Variants in LAMC3 observed in about 807,000 individuals in gnomAD.
LAMC3 encodes laminin subunit gamma 3, also known as laminin subunit gamma-3.
In LAMC3, 128 loss-of-function variants were observed where a neutral mutation model predicts 173.8. The ratio of observed to expected loss-of-function variants is 0.74; its 90% CI spans 0.64 to 0.85. LAMC3 has a LOEUF of 0.85. Among genes scored for constraint, LAMC3 ranks in the 40% least tolerant of loss-of-function variants. LAMC3 has a pLI of 0.00. For synonymous variants in LAMC3, 897 were observed against 909.1 expected, an observed-to-expected ratio of 0.99 and a Z score of 0.24; for missense variants, 2,022 against 2,156.0, an observed-to-expected ratio of 0.94 and a Z score of 1.23.
At chr9:131,032,327 G>A in intron 3 of LAMC3, 152 bp downstream of exon 3, 3 of 736,788 alleles carry the variant, frequency 4.1e-6, no homozygotes, top group Non-Finnish European at 7.1e-6. Context: ...AGGCCCTGGG[G>A]GTCCACACCC....
Position 131,066,973 on chromosome 9 carries a change from G to C in LAMC3, c.2361G>C (p.Glu787Asp), listed in dbSNP as rs202008283. 8.6e-5 allele frequency: 138 copies of C among 1,613,824 alleles called. 6 individuals carry two copies. Among genetic ancestry groups the C allele is most frequent in the Admixed American group, 1.0e-4 (6 of 60,012 alleles). ...CPPGQRGRRCEVCDDGFFGDP... is the reference protein window; with the variant it reads ...CPPGQRGRRCDVCDDGFFGDP... ...CTCTACACACAGGGCGGCGCTGTGA[G>C]GTCTGTGATGATGGCTTTTTTGGGG... The change falls in exon 14 of 28, where the codon GAG (glutamate) becomes GAC (aspartate). Residue 787 changes from glutamate (E) to aspartate (D), a missense_variant. By Grantham distance (45) the Glu-to-Asp change is conservative. Transcript: ENST00000361069.
intron 1 of LAMC3, among the ~76,000 whole-genome samples, chr9:131,019,871 C>T (rs2133215269): frequency 6.6e-6 from 1 of 151,734 alleles, no homozygotes; most frequent in East Asian, 1.9e-4. Context: ...CAGCTGGGCA[C>T]AGCAGAGCCT....
chr9:131,056,843 C>T lies in LAMC3; in HGVS notation c.1940-86C>T, dbSNP rs747659814. The T allele has an allele frequency of 5.4e-4, 539 of 996,048 alleles. 8 individuals carry two copies. The Admixed American group carries it at 9.0e-3, about 17-fold the overall frequency. 61.7% of individuals were successfully genotyped at this position (996,048 alleles called of 1,614,324 possible). On this transcript the variant is annotated intron_variant, in intron 11 of 27. Coordinates refer to ENST00000361069, the MANE Select transcript of LAMC3 (RefSeq NM_006059.4). ...CTGCCTTTATATACGTGGGCCTGGTCCATATGTGAACAGGAAGGTTTTGGG... is the reference window on the plus strand; with the variant it reads ...CTGCCTTTATATACGTGGGCCTGGTTCATATGTGAACAGGAAGGTTTTGGG...
In LAMC3 at chr9:131,092,998, G is replaced by A. The variant is rs1830450504; in HGVS notation, c.*1211G>A. On this transcript the variant is annotated 3_prime_UTR_variant, in exon 28 of 28. Transcript: ENST00000361069. The stretch of plus-strand genomic sequence containing the variant: ...CCCGTGGCTCCCCTGACAGGGGCAG[G>A]GGTAGGGCAGCAGCACAGACCAATT... 1 of 152,444 alleles carries A rather than the reference G, an allele frequency of 6.6e-6. No individual in the cohort carries two copies. Among genetic ancestry groups the A allele is most frequent in the Admixed American group, 6.5e-5 (1 of 15,292 alleles). 9.4% of individuals were successfully genotyped at this position (152,444 alleles called of 1,614,324 possible). A position where few individuals can be genotyped will look rare whatever the true frequency, so the allele number is the denominator to read the frequency against.
At chr9:131,077,502 C>T (rs1290648788) in intron 22 of LAMC3, among the ~76,000 whole-genome samples, 168 bp downstream of exon 22, 2 of 151,724 alleles carry the variant, frequency 1.3e-5, no homozygotes, top group East Asian at 3.9e-4. Flanking sequence ...CGTAGTGAAA[C>T]CTAGTCTCTA....
At chr9:131,010,152 CA>C (rs35239233) in intron 1 of LAMC3, among the ~76,000 whole-genome samples, 8,094 of 39,530 alleles carry the variant, frequency 0.2, 601 homozygotes, top group African/African-American at 0.31. Flanking sequence ...AACTCCGTCT[CA>C]AAAAAAAAAA....
At chr9:131,027,958 C>T (rs79742855) in intron 2 of LAMC3, among the ~76,000 whole-genome samples, 236 of 152,370 alleles carry the variant, frequency 1.5e-3, no homozygotes, top group African/African-American at 5.3e-3. Context: ...AGCTGTTCAT[C>T]TCCACACAAG....
intron 8 of LAMC3, among the ~76,000 whole-genome samples, chr9:131,047,165 C>CTTTTTTTTTTTTTTTT (rs398012456): frequency 4.9e-5 from 5 of 102,166 alleles, no homozygotes; most frequent in African/African-American, 7.5e-5. Flanking sequence ...CTGAATTCCT[C>CTTTTTTTTTTTTTTTT]TTTTTTTTTT....
rs565590625 is a variant in LAMC3, at chr9:131,038,042, C to T, written c.977-822C>T. ...CATGGCACACCCGCACCAGGCCACG[C>T]GTCTGTCTCTGCATGTGGGGTATCC... On this transcript the variant is annotated intron_variant, in intron 4 of 27. Transcript: ENST00000361069. 2.4e-3 allele frequency among the ~76,000 whole-genome samples: 369 copies of T among 152,278 alleles called. 2 individuals are homozygous for T. The highest frequency in any genetic ancestry group is 8.6e-3 in the African/African-American group (356 of 41,554).
At chr9:131,059,562 G>A (rs58703877) in intron 12 of LAMC3, among the ~76,000 whole-genome samples, 89,919 of 145,432 alleles carry the variant, frequency 0.62, 28,660 homozygotes, top group Non-Finnish European at 0.7. Flanking sequence ...ACAACCACAC[G>A]CCACACGCCA....
At position 131,052,701 on chromosome 9, in the gene LAMC3, T is replaced by A; in HGVS notation, c.1823+18T>A. On this transcript the variant is annotated intron_variant, in intron 10 of 27. Coordinates refer to ENST00000361069, the MANE Select transcript of LAMC3 (RefSeq NM_006059.4). ...AGGTTCCAGTAAGTATCCCCTTCTG[T>A]CCTGAGAGATGGGGAGGTGAGAGGG... is the stretch of plus-strand genomic sequence containing the variant. 6.2e-7 allele frequency: 1 copy of A among 1,607,522 alleles called. No individual in the cohort carries two copies. Among genetic ancestry groups the A allele is most frequent in the Non-Finnish European group, 8.5e-7 (1 of 1,175,126 alleles).
intron 23 of LAMC3, among the ~76,000 whole-genome samples, chr9:131,081,508 C>T (rs1480229156): frequency 8.5e-6 from 1 of 117,582 alleles, no homozygotes; most frequent in African/African-American, 3.3e-5. Context: ...AATCTTTATG[C>T]CACCCAGGCT....
At chr9:131,052,811 C>G (rs1235466241) in intron 10 of LAMC3, 39 bp from the exon 11 acceptor site, 1 of 1,368,252 alleles carries the variant, frequency 7.3e-7, no homozygotes, top group East Asian at 2.3e-5. Flanking sequence ...ACCCCCCCAC[C>G]CTATGTCGGG....
chr9:131,036,877 C>G (rs1019991394), intron 4 of LAMC3, among the ~76,000 whole-genome samples: 1 of 152,248 alleles, frequency 6.6e-6, no homozygotes, highest in South Asian at 2.1e-4. Flanking sequence ...GCTGCAAGCC[C>G]CACCCTGTCC....
chr9:131,062,913 C>T (rs991917704), intron 13 of LAMC3, among the ~76,000 whole-genome samples: 15 of 152,062 alleles, frequency 9.9e-5, no homozygotes, highest in African/African-American at 3.6e-4. Flanking sequence ...ATAGCCCTTC[C>T]TCCCTCCAGC....
At chr9:131,064,968 T>C (rs1243853561) in intron 13 of LAMC3, among the ~76,000 whole-genome samples, 1 of 135,164 alleles carries the variant, frequency 7.4e-6, no homozygotes, top group Non-Finnish European at 1.5e-5. Context: ...TTGAACCCAG[T>C]AGGTGGGGCT....
At chr9:131,069,447 G>A (rs1052485236) in intron 16 of LAMC3, among the ~76,000 whole-genome samples, 1 of 152,174 alleles carries the variant, frequency 6.6e-6, no homozygotes, top group African/African-American at 2.4e-5. Context: ...AAACCTGGCT[G>A]GTCCTCAGAT....
intron 1 of LAMC3, among the ~76,000 whole-genome samples, chr9:131,015,860 G>A (rs575595374): frequency 2.6e-5 from 4 of 152,130 alleles, no homozygotes; most frequent in Non-Finnish European, 5.9e-5. Context: ...GTTTCACCAT[G>A]TTGGCCAGAC....
intron 22 of LAMC3, among the ~76,000 whole-genome samples, chr9:131,078,727 G>A (rs919564645): frequency 2.0e-5 from 3 of 152,156 alleles, no homozygotes; most frequent in East Asian, 1.9e-4. Flanking sequence ...TTCTGCATTC[G>A]GAAGCCATCC....
Sources: gnomAD v4.1 joint callset for allele counts (sites outside exome capture counted in the v4.1 genomes callset) on GRCh38, gnomAD v4.1.1 for gene constraint, MANE v1.5 for transcripts, NCBI Gene and HGNC (gene_info 2026-07-23, HGNC 2026-07-21) for gene names.